VWF: variants seen among roughly 807,000 people sequenced by gnomAD.
VWF encodes the protein Factor VIII related antigen.
A neutral mutation model predicts 308.6 loss-of-function variants in VWF; 176 were observed. The ratio of observed to expected loss-of-function variants is 0.57; its 90% CI spans 0.50 to 0.65. The LOEUF (loss-of-function observed/expected upper bound fraction) is 0.65, where lower values mean the gene tolerates loss of function less well. Among genes scored for constraint, VWF ranks in the 30% least tolerant of loss-of-function variants. The pLI is 0.00. For missense variants in VWF, 3,146 were observed against 3,648.2 expected (o/e 0.86, Z 3.55); for synonymous variants, 1,385 against 1,443.4 (o/e 0.96, Z 0.92).
intron 5 of VWF, among the ~76,000 whole-genome samples, chr12:6,103,508 ATATATACACACATATGTG>A (rs1409838627): frequency 8.2e-6 from 1 of 122,098 alleles, no homozygotes; most frequent in Non-Finnish European, 1.6e-5. Flanking sequence ...ACACACGTAT[ATATATACACACATATGTG>A]TATATACACA....
chr12:6,004,552 A>T (rs1943906836), intron 34 of VWF, among the ~76,000 whole-genome samples: 2 of 152,126 alleles, frequency 1.3e-5, no homozygotes, highest in Non-Finnish European at 2.9e-5. Context: ...AGAGAAATTA[A>T]TTGGAGGCAC....
At position 5,983,150 on chromosome 12, in the gene VWF, C is replaced by G; in HGVS notation, c.7081G>C (p.Ala2361Pro). ...CCCTCCTCATCCACAGAGGCCTTACCGCAGGTGAAGTTGGGTCTGCACTCG... is the reference window on the plus strand; with the variant it reads ...CCCTCCTCATCCACAGAGGCCTTACGGCAGGTGAAGTTGGGTCTGCACTCG... ...PGECRPNFTC[A>P]CRKEECKRVS... Residue 2361 changes from alanine (A) to proline (P), a missense_variant and splice_region_variant, in exon 41 of 52, where the codon GCC becomes CCC. By Grantham distance (27) the Ala-to-Pro change is conservative. Transcript: ENST00000261405. 6.2e-7 allele frequency: 1 copy of G among 1,613,358 alleles called. No individual in the cohort carries two copies. Among genetic ancestry groups the G allele is most frequent in the Non-Finnish European group, 8.5e-7 (1 of 1,179,718 alleles).
intron 47 of VWF, 68 bp downstream of exon 47, chr12:5,967,418 G>T: frequency 1.7e-6 from 2 of 1,204,876 alleles, no homozygotes; most frequent in Non-Finnish European, 2.5e-6. Flanking sequence ...AGACCGCAGT[G>T]AGGTCCCACT....
intron 40 of VWF, among the ~76,000 whole-genome samples, chr12:5,983,549 TA>T (rs1317855331): frequency 2.7e-5 from 4 of 148,972 alleles, no homozygotes; most frequent in Non-Finnish European, 6.0e-5. Flanking sequence ...AGATGGATGA[TA>T]GATAGAGGAT....
intron 16 of VWF, among the ~76,000 whole-genome samples, chr12:6,049,336 G>A (rs1944482007): frequency 6.6e-6 from 1 of 152,328 alleles, no homozygotes; most frequent in Middle Eastern, 3.4e-3. Flanking sequence ...GGAGGACGCA[G>A]ACATGGAGAG....
At chr12:6,116,287 C>A (rs1276434791) in intron 3 of VWF, among the ~76,000 whole-genome samples, 1 of 152,216 alleles carries the variant, frequency 6.6e-6, no homozygotes, top group Admixed American at 6.5e-5. Flanking sequence ...GATTAAGGCG[C>A]TGAGTGAGGA....
In VWF at chr12:6,029,422, T is replaced by C. The variant is rs1304622929; in HGVS notation, c.2887A>G (p.Ile963Val). 1.2e-6 allele frequency: 2 copies of C among 1,614,088 alleles called. No individual in the cohort carries two copies. Among genetic ancestry groups the C allele is most frequent in the Non-Finnish European group, 8.5e-7 (1 of 1,180,024 alleles). ...GAGAGGGCTTTGCCCAGCAGCAGAA[T>C]GATGTACCGGCCAGACTCCACCACC... The part of the protein sequence containing the change: ...FEVVESGRYI[I>V]LLLGKALSVV... The change falls in exon 22 of 52, where the codon ATT (isoleucine) becomes GTT (valine). Residue 963 changes from isoleucine (I) to valine (V), a missense_variant. By Grantham distance (29) the Ile-to-Val change is conservative. Around this residue, in one of 3 missense-constraint regions of VWF, gnomAD observed 1,304 missense variants for 1,353.0 expected, o/e 0.96. Transcript: ENST00000261405.
At chr12:6,065,466 T>C (rs1235032901) in intron 10 of VWF, among the ~76,000 whole-genome samples, 193 bp from the exon 11 acceptor site, 1 of 152,214 alleles carries the variant, frequency 6.6e-6, no homozygotes, top group Non-Finnish European at 1.5e-5. Context: ...ATGTCAGAGC[T>C]GGGTCATTCA....
rs1261788355 is a variant in VWF, at chr12:6,018,384, G to A, written c.5034C>T (p.Pro1678=). The change falls in exon 28 of 52, where the codon CCC becomes CCT. Residue 1678 remains proline, a synonymous_variant. Transcript: ENST00000261405. Reference sequence around the variant, plus strand: ...GCATACCAGGTGCAGGGGAGAGGGTGGGGATCTGCAGCCCCTCTCCGGAGC... The same window carrying A: ...GCATACCAGGTGCAGGGGAGAGGGTAGGGATCTGCAGCCCCTCTCCGGAGC... The part of the protein sequence containing the change: ...RCCSGEGLQI[P]TLSPAPDCSQ... 7 of 1,611,704 alleles carry A rather than the reference G, an allele frequency of 4.3e-6. No individual in the cohort carries two copies. Among genetic ancestry groups the A allele is most frequent in the Middle Eastern group, 1.8e-4 (1 of 5,496 alleles).
At chr12:6,084,627 C>T (rs1944948666) in intron 6 of VWF, among the ~76,000 whole-genome samples, 1 of 152,010 alleles carries the variant, frequency 6.6e-6, no homozygotes, top group South Asian at 2.1e-4. Context: ...TGTTTGCTCC[C>T]AAGCAGCTGA....
At chr12:5,974,011 T>A (rs1943506372) in intron 43 of VWF, among the ~76,000 whole-genome samples, 1 of 152,128 alleles carries the variant, frequency 6.6e-6, no homozygotes, top group Non-Finnish European at 1.5e-5. Context: ...AGCAGAGAAC[T>A]ATGGAGGAGC....
chr12:6,037,367 A>C (rs548381589), intron 18 of VWF, among the ~76,000 whole-genome samples: 4 of 152,266 alleles, frequency 2.6e-5, no homozygotes, highest in Non-Finnish European at 5.9e-5. Flanking sequence ...ATCGATCAGA[A>C]CTAGAGTCTG....
intron 47 of VWF, among the ~76,000 whole-genome samples, chr12:5,965,800 G>A (rs1034740492): frequency 3.3e-5 from 5 of 152,226 alleles, no homozygotes; most frequent in African/African-American, 1.2e-4. Flanking sequence ...CGCTGAGCTA[G>A]AACGGGATCA....
At chr12:6,027,628 G>A (rs1944209438) in intron 22 of VWF, among the ~76,000 whole-genome samples, 1 of 152,124 alleles carries the variant, frequency 6.6e-6, no homozygotes, top group South Asian at 2.1e-4. Flanking sequence ...GTTGAATATG[G>A]AGGATGGGGC....
chr12:6,122,816 G>A (rs756848868), intron 2 of VWF: 8 of 615,870 alleles, frequency 1.3e-5, no homozygotes, highest in South Asian at 1.1e-4. Context: ...TCAACAAGGT[G>A]ACCTCCACAA....
Position 6,018,630 on chromosome 12 carries a change from G to A in VWF, c.4788C>T (p.Asp1596=), listed in dbSNP as rs773159741. 16 of 1,613,946 alleles carry A rather than the reference G, an allele frequency of 9.9e-6. No homozygotes were observed. The highest frequency in any genetic ancestry group is 1.3e-5 in the Non-Finnish European group (15 of 1,179,984). The change falls in exon 28 of 52, where the codon GAC becomes GAT. Residue 1596 remains aspartate, a synonymous_variant. Transcript: ENST00000261405. Reference sequence around the variant, plus strand: ...AGACCAGGTTGGGCGCCTGCTCCCGGTCACCCTGGCTGACCAAGAAGCTGT... The same window carrying A: ...AGACCAGGTTGGGCGCCTGCTCCCGATCACCCTGGCTGACCAAGAAGCTGT... ...SDHSFLVSQG[D]REQAPNLVYM... is the part of the protein sequence containing the mutation.
rs1245250442 is a variant in VWF at position 6,052,718 on chromosome 12, A to G, written c.2011T>C (p.Ser671Pro). The part of the protein sequence containing the change: ...CGTPCNLTCR[S>P]LSYPDEECNE... ...CATTCCTCATCCGGGTAAGAGAGAG[A>G]GCGGCAGGTCAGGTTGCAGGGGGTC... Residue 671 changes from serine (S) to proline (P), a missense_variant, in exon 16 of 52, where the codon TCT (serine) becomes CCT (proline). This residue lies in a region of VWF where 1,304 missense variants were observed against 1,353.0 expected (regional missense o/e 0.96). Transcript: ENST00000261405. 3 of 1,614,100 alleles carry G rather than the reference A, an allele frequency of 1.9e-6. No individual in the cohort carries two copies. The highest frequency in any genetic ancestry group is 2.5e-6 in the Non-Finnish European group (3 of 1,180,012).
intron 26 of VWF, 128 bp downstream of exon 26, chr12:6,022,612 G>A (rs1478044631): frequency 4.1e-6 from 1 of 241,894 alleles, no homozygotes; most frequent in African/African-American, 2.7e-5. Flanking sequence ...CACGGAACCT[G>A]CAGCAGCCTT....
chr12:5,964,840 T>C (rs1487525182), intron 47 of VWF, among the ~76,000 whole-genome samples: 1 of 151,846 alleles, frequency 6.6e-6, no homozygotes, highest in Non-Finnish European at 1.5e-5. Context: ...AGAAGAAAGA[T>C]TTGGAAGAAA....
Sources: gnomAD v4.1 joint callset for allele counts (sites outside exome capture counted in the v4.1 genomes callset) on GRCh38, gnomAD v4.1.1 for gene constraint, gnomAD v4.1.1 regional missense constraint, MANE v1.5 for transcripts, NCBI Gene and HGNC (gene_info 2026-07-23, HGNC 2026-07-21) for gene names.